Variants in ERP44 observed in about 807,000 individuals in gnomAD.
ERP44 encodes endoplasmic reticulum resident protein 44.
Under a neutral mutation model 53.4 loss-of-function variants are expected in ERP44, and 25 were observed. That is an observed-to-expected ratio of 0.47 (90% confidence interval 0.34 to 0.65). ERP44 has a LOEUF of 0.65. ERP44 is among the 30% of genes least tolerant of loss of function. The probability of loss-of-function intolerance (pLI) is 0.01; values close to 1 mark genes in which losing one functional copy is unlikely to be tolerated. For missense variants in ERP44, 338 were observed against 493.2 expected (o/e 0.69, Z 2.98); for synonymous variants, 145 against 161.2 (o/e 0.90, Z 0.76).
intron 10 of ERP44, among the ~76,000 whole-genome samples, chr9:99,988,805 G>GA (rs1234550168): frequency 6.6e-6 from 1 of 152,168 alleles, no homozygotes; most frequent in Non-Finnish European, 1.5e-5. Context: ...GACTGTACCG[G>GA]AAAAAACAGG....
At chr9:100,022,322 T>A (rs1320599884) in intron 4 of ERP44, 96 bp from the exon 5 acceptor site, 7 of 941,058 alleles carry the variant, frequency 7.4e-6, no homozygotes, top group Non-Finnish European at 1.1e-5. Context: ...TAGTGAGAAC[T>A]TTTTGGTTCA....
chr9:100,000,449 A>AC (rs1564086897), intron 10 of ERP44, among the ~76,000 whole-genome samples: 1 of 151,792 alleles, frequency 6.6e-6, no homozygotes, highest in Non-Finnish European at 1.5e-5. Context: ...AAAAAAAAAA[A>AC]AAAAACTTTC....
chr9:100,068,578 G>GC (rs1196378030), intron 1 of ERP44, among the ~76,000 whole-genome samples: 1 of 141,304 alleles, frequency 7.1e-6, no homozygotes, highest in Non-Finnish European at 1.6e-5. Flanking sequence ...GGGGGGGTCA[G>GC]CCCCCAGCCC....
intron 4 of ERP44, among the ~76,000 whole-genome samples, chr9:100,045,425 T>C (rs1825954908): frequency 6.6e-6 from 1 of 152,208 alleles, no homozygotes; most frequent in African/African-American, 2.4e-5. Flanking sequence ...TATAGAACCT[T>C]CCACATAGCA....
intron 4 of ERP44, among the ~76,000 whole-genome samples, chr9:100,043,562 C>G (rs1460546607): frequency 6.6e-6 from 1 of 152,000 alleles, no homozygotes; most frequent in Non-Finnish European, 1.5e-5. Context: ...CGAGACCAGC[C>G]TGGCCAACAT....
intron 1 of ERP44, among the ~76,000 whole-genome samples, chr9:100,081,717 G>T (rs1020581610): frequency 2.0e-5 from 3 of 152,032 alleles, no homozygotes; most frequent in African/African-American, 7.2e-5. Flanking sequence ...CGTCTATTGG[G>T]GAAATACTAA....
intron 10 of ERP44, among the ~76,000 whole-genome samples, chr9:99,994,788 GGTAATGTGAGTCCTCCAACTTT>G (rs1830293910): frequency 1.3e-5 from 2 of 152,018 alleles, no homozygotes; most frequent in African/African-American, 4.8e-5. Context: ...CTTAAAACTA[GGTAATGTGAGTCCTCCAACTTT>G]GTTTCTTTTT....
At chr9:100,063,133 T>A (rs1241512573) in intron 1 of ERP44, among the ~76,000 whole-genome samples, 1 of 144,814 alleles carries the variant, frequency 6.9e-6, no homozygotes, top group Non-Finnish European at 1.5e-5. Flanking sequence ...TTGAAATACT[T>A]ACATGGCAAA....
chr9:100,058,689 A>T (rs559409696), intron 2 of ERP44, among the ~76,000 whole-genome samples: 29 of 152,372 alleles, frequency 1.9e-4, no homozygotes, highest in African/African-American at 6.5e-4. Flanking sequence ...CAAAAATAAC[A>T]GCATCATTTG....
At chr9:100,094,565 G>C (rs778818600) in intron 1 of ERP44, among the ~76,000 whole-genome samples, 1 of 151,990 alleles carries the variant, frequency 6.6e-6, no homozygotes, top group Non-Finnish European at 1.5e-5. Flanking sequence ...GGCTGAGGCA[G>C]GAGAATCACT....
chr9:100,068,627 G>A (rs1363958964), intron 1 of ERP44, among the ~76,000 whole-genome samples: 2 of 143,346 alleles, frequency 1.4e-5, no homozygotes, highest in Non-Finnish European at 3.1e-5. Context: ...GGGGGGGTCA[G>A]CCCCCCACCC....
At chr9:99,998,252 T>C (rs1830335243) in intron 10 of ERP44, 1 of 301,530 alleles carries the variant, frequency 3.3e-6, no homozygotes, top group Non-Finnish European at 6.5e-6. Context: ...CATTTACACA[T>C]TTCTGGGATA....
intron 1 of ERP44, among the ~76,000 whole-genome samples, chr9:100,064,976 GTTAA>G (rs1213572840): frequency 6.6e-6 from 1 of 152,120 alleles, no homozygotes; most frequent in Non-Finnish European, 1.5e-5. Flanking sequence ...CAGTAAGCTA[GTTAA>G]TTTAGTATTA....
rs561203722 is a variant in ERP44 at position 100,020,716 on chromosome 9, T to C, written c.487A>G (p.Ile163Val). 8.8e-6 allele frequency: 14 copies of C among 1,587,864 alleles called. No homozygotes were observed. Among genetic ancestry groups the C allele is most frequent in the Non-Finnish European group, 1.2e-5 (14 of 1,157,236 alleles). Residue 163 changes from isoleucine to valine, a missense_variant, in exon 6 of 12, where the codon ATC becomes GTC. Physicochemically the swap from Ile to Val is conservative, Grantham distance 29 (BLOSUM62 3). This residue lies in a region of ERP44 where 224 missense variants were observed against 301.4 expected (regional missense o/e 0.74). Transcript: ENST00000262455. ...ITTLDRSKRN[I>V]IGYFEQKDSD... ...TCCTTTTGCTCAAAATATCCAATGATATTTCTTTTGCTGCGCTGTAAAATA... is the reference window on the plus strand; with the variant it reads ...TCCTTTTGCTCAAAATATCCAATGACATTTCTTTTGCTGCGCTGTAAAATA...
In ERP44 at chr9:100,027,378, G is replaced by A. The variant is rs77228398; in HGVS notation, c.287-5152C>T. On this transcript the variant is annotated intron_variant, in intron 4 of 11. Transcript: ENST00000262455. The stretch of plus-strand genomic sequence containing the variant: ...CAGGTATGCTGCATAATGCAGTGGC[G>A]TTTAATTATTAAGAAGCAAAAACCT... Among the ~76,000 whole-genome samples, 566 of 152,148 alleles carry A rather than the reference G, an allele frequency of 3.7e-3. 2 individuals are homozygous for A. The highest frequency in any genetic ancestry group is 0.013 in the African/African-American group (539 of 41,512).
chr9:100,028,978 G>T (rs1825739809), intron 4 of ERP44, among the ~76,000 whole-genome samples: 2 of 151,972 alleles, frequency 1.3e-5, no homozygotes, highest in South Asian at 4.1e-4. Flanking sequence ...TTTCACAATA[G>T]GTATAAAAAA....
chr9:100,057,777 G>C (rs560941921), intron 3 of ERP44, 43 bp downstream of exon 3: 19 of 1,474,812 alleles, frequency 1.3e-5, no homozygotes, highest in East Asian at 9.2e-5. Flanking sequence ...TTAACCTTTA[G>C]CAAGTAAAAA....
At chr9:100,072,358 GGT>G (rs1411879947) in intron 1 of ERP44, among the ~76,000 whole-genome samples, 1 of 151,988 alleles carries the variant, frequency 6.6e-6, no homozygotes, top group Non-Finnish European at 1.5e-5. Flanking sequence ...GTGAGATGGA[GGT>G]ACAGAAAGAA....
rs191677223 is a variant in ERP44 at position 99,979,926 on chromosome 9, C to T, written c.*2686G>A. 7.5e-6 allele frequency: 3 copies of T among 398,478 alleles called. No homozygotes were observed. Among genetic ancestry groups the T allele is most frequent in the East Asian group, 7.1e-5 (2 of 28,080 alleles). 24.7% of individuals were successfully genotyped at this position (398,478 alleles called of 1,614,324 possible). A position where few individuals can be genotyped will look rare whatever the true frequency, so the allele number is the denominator to read the frequency against. ...TTCTGCCTACAATATATACTACAAA[C>T]CCCTTAGTCTGGCACACAAGGCCCT... is the stretch of plus-strand genomic sequence containing the variant. On this transcript the variant is annotated 3_prime_UTR_variant, in exon 12 of 12. Transcript: ENST00000262455.
Sources: gnomAD v4.1 joint callset for allele counts (sites outside exome capture counted in the v4.1 genomes callset) on GRCh38, gnomAD v4.1.1 for gene constraint, gnomAD v4.1.1 regional missense constraint, MANE v1.5 for transcripts, NCBI Gene and HGNC (gene_info 2026-07-23, HGNC 2026-07-21) for gene names.